Variants in CFAP54 observed in about 807,000 individuals in gnomAD.
CFAP54 encodes cilia and flagella associated protein 54.
In CFAP54, 290 loss-of-function variants were observed where a neutral mutation model predicts 370.4. The ratio of observed to expected loss-of-function variants is 0.78; its 90% CI spans 0.71 to 0.86. The LOEUF is 0.86. CFAP54 is among the 40% of genes least tolerant of loss of function. CFAP54 has a pLI of 0.00. For missense variants in CFAP54, 3,399 were observed against 3,528.7 expected (o/e 0.96, Z 0.93); for synonymous variants, 1,206 against 1,236.5 (o/e 0.98, Z 0.52).
chr12:96,588,385 ATTAT>A (rs1278236313), intron 22 of CFAP54, among the ~76,000 whole-genome samples: 1 of 152,104 alleles, frequency 6.6e-6, no homozygotes, highest in Non-Finnish European at 1.5e-5. Flanking sequence ...AGCCTCTGCA[ATTAT>A]TATGTTATTC....
intron 48 of CFAP54, among the ~76,000 whole-genome samples, chr12:96,714,081 G>C (rs1044426254): frequency 6.6e-6 from 1 of 152,212 alleles, no homozygotes; most frequent in Non-Finnish European, 1.5e-5. Flanking sequence ...GTTAGGCTAT[G>C]GGGTTAGGGG....
At chr12:96,766,871 T>C (rs1479710627) in intron 60 of CFAP54, among the ~76,000 whole-genome samples, 1 of 152,182 alleles carries the variant, frequency 6.6e-6, no homozygotes, top group Admixed American at 6.5e-5. Context: ...CTCAGTGGCC[T>C]ACAACAACAG....
At chr12:96,651,064 G>C (rs2136503237) in intron 35 of CFAP54, among the ~76,000 whole-genome samples, 1 of 152,248 alleles carries the variant, frequency 6.6e-6, no homozygotes, top group African/African-American at 2.4e-5. Context: ...TCAATATTCA[G>C]ATGTTTGCTC....
intron 64 of CFAP54, among the ~76,000 whole-genome samples, chr12:96,817,175 A>ATTTTCATCTTTTCTTTTTTTTTTTTTTT (rs1565989047): frequency 6.6e-6 from 1 of 151,914 alleles, no homozygotes; most frequent in African/African-American, 2.4e-5. Context: ...TATTTTCTTT[A>ATTTTCATCTTTTCTTTTTTTTTTTTTTT]TTTTCATCTT....
intron 22 of CFAP54, among the ~76,000 whole-genome samples, chr12:96,583,456 T>C (rs1314450883): frequency 6.6e-6 from 1 of 152,168 alleles, no homozygotes; most frequent in Non-Finnish European, 1.5e-5. Flanking sequence ...ATTGTTGAAC[T>C]ACCAAATCAA....
chr12:96,606,192 A>G (rs764736601), intron 26 of CFAP54, among the ~76,000 whole-genome samples: 7 of 152,202 alleles, frequency 4.6e-5, no homozygotes, highest in Non-Finnish European at 7.3e-5. Context: ...AGCAAGAGGA[A>G]GAGTAGAGCT....
At chr12:96,522,348 G>A (rs1316932570) in intron 8 of CFAP54, among the ~76,000 whole-genome samples, 159 bp downstream of exon 8, 1 of 152,312 alleles carries the variant, frequency 6.6e-6, no homozygotes, top group Admixed American at 6.5e-5. Flanking sequence ...TAGTTTGCAC[G>A]TAGCCTCGCT....
At chr12:96,622,462 T>C (rs1956509065) in intron 27 of CFAP54, among the ~76,000 whole-genome samples, 2 of 152,092 alleles carry the variant, frequency 1.3e-5, no homozygotes, top group Admixed American at 6.6e-5. Context: ...GTGATTCTTC[T>C]GCCTCAGCCT....
chr12:96,684,406 T>G (rs551635939), intron 40 of CFAP54, among the ~76,000 whole-genome samples: 5 of 152,320 alleles, frequency 3.3e-5, no homozygotes, highest in Non-Finnish European at 7.4e-5. Context: ...CTGAGTTTTA[T>G]TCCCATGATG....
chr12:96,760,786 G>A (rs576212434), intron 58 of CFAP54, among the ~76,000 whole-genome samples: 6 of 152,246 alleles, frequency 3.9e-5, no homozygotes, highest in Non-Finnish European at 7.4e-5. Context: ...AGTGTGTAAC[G>A]GTAGTTTTGT....
intron 45 of CFAP54, among the ~76,000 whole-genome samples, chr12:96,698,434 T>C (rs1957458101): frequency 6.6e-6 from 1 of 152,150 alleles, no homozygotes; most frequent in Admixed American, 6.6e-5. Flanking sequence ...CCTAAATGCC[T>C]ATCATTGTTA....
At chr12:96,521,535 TGTGTGTGTGTGTGC>T (rs879593189) in intron 6 of CFAP54, among the ~76,000 whole-genome samples, 2,070 of 130,324 alleles carry the variant, frequency 0.016, 51 homozygotes, top group African/African-American at 0.059. Context: ...TGTGTGTGTG[TGTGTGTGTGTGTGC>T]GCGTGCGCAC....
chr12:96,496,934 G>T (rs1954961545), intron 1 of CFAP54, among the ~76,000 whole-genome samples: 1 of 152,176 alleles, frequency 6.6e-6, no homozygotes, highest in South Asian at 2.1e-4. Flanking sequence ...TATTTTACTT[G>T]GTGGAGGGAA....
chr12:96,503,379 C>T (rs1955054085), intron 2 of CFAP54, among the ~76,000 whole-genome samples: 1 of 138,106 alleles, frequency 7.2e-6, no homozygotes, highest in South Asian at 2.4e-4. Context: ...CCCTTCCCTC[C>T]TTCCTTCCTT....
chr12:96,490,208 AG>A (rs1954864293), intron 1 of CFAP54, among the ~76,000 whole-genome samples: 2 of 152,254 alleles, frequency 1.3e-5, no homozygotes, highest in African/African-American at 4.8e-5. Flanking sequence ...CAGAAAAGAA[AG>A]ATGGTAACAT....
intron 1 of CFAP54, among the ~76,000 whole-genome samples, chr12:96,497,855 C>T (rs1954974583): frequency 6.6e-6 from 1 of 152,190 alleles, no homozygotes; most frequent in Admixed American, 6.5e-5. Flanking sequence ...GATAAGACCC[C>T]TATATAAGAA....
chr12:96,672,491 G>A (rs1957159073), intron 39 of CFAP54, among the ~76,000 whole-genome samples: 1 of 152,188 alleles, frequency 6.6e-6, no homozygotes, highest in African/African-American at 2.4e-5. Context: ...TAAAGTCATA[G>A]GAGAAAGGAA....
intron 26 of CFAP54, among the ~76,000 whole-genome samples, chr12:96,617,025 G>A (rs1296968234): frequency 6.6e-6 from 1 of 152,170 alleles, no homozygotes; most frequent in Non-Finnish European, 1.5e-5. Flanking sequence ...TTATGAGATA[G>A]AATTGAGAAT....
intron 36 of CFAP54, among the ~76,000 whole-genome samples, chr12:96,656,306 C>A (rs201949453): frequency 2.6e-5 from 4 of 151,970 alleles, no homozygotes; most frequent in African/African-American, 7.3e-5. Context: ...TCTCTCCCCC[C>A]CCCTCCCCTT....
Sources: allele counts gnomAD v4.1 joint callset (sites outside exome capture counted in the v4.1 genomes callset), GRCh38; gene constraint gnomAD v4.1.1; transcripts MANE v1.5; gene names NCBI Gene and HGNC (gene_info 2026-07-23, HGNC 2026-07-21).